SMOC1: variants seen among roughly 807,000 people sequenced by gnomAD.
The protein encoded by SMOC1 is SPARC related modular calcium binding 1.
Under a neutral mutation model 56.3 loss-of-function variants are expected in SMOC1, and 22 were observed. That is an observed-to-expected ratio of 0.39 (90% CI 0.28 to 0.56). The LOEUF is 0.56. Ranked by LOEUF, SMOC1 falls within the 20% of genes least tolerant of loss-of-function variation. The pLI is 0.61. For synonymous variants in SMOC1, 193 were observed against 215.0 expected, an observed-to-expected ratio of 0.90 and a Z score of 0.89; for missense variants, 509 against 565.4, an observed-to-expected ratio of 0.90 and a Z score of 1.01.
chr14:69,940,114 G>A (rs1236006699), intron 1 of SMOC1, among the ~76,000 whole-genome samples: 1 of 152,154 alleles, frequency 6.6e-6, no homozygotes, highest in Non-Finnish European at 1.5e-5. Context: ...AGTCTCTTGC[G>A]AAAACAATTC....
intron 8 of SMOC1, 101 bp downstream of exon 8, chr14:70,011,047 G>A (rs1286570321): frequency 1.5e-6 from 2 of 1,323,136 alleles, no homozygotes; most frequent in African/African-American, 2.9e-5. Context: ...GGAGATGAGT[G>A]CCTGGGAGAG....
At chr14:70,001,537 T>A (rs943781511) in intron 7 of SMOC1, among the ~76,000 whole-genome samples, 1 of 152,292 alleles carries the variant, frequency 6.6e-6, no homozygotes, top group East Asian at 1.9e-4. Context: ...TTAGTTTACC[T>A]ACAGACCTAA....
chr14:69,985,793 A>G (rs1884343812), intron 5 of SMOC1, among the ~76,000 whole-genome samples: 2 of 151,816 alleles, frequency 1.3e-5, no homozygotes, highest in Admixed American at 1.3e-4. Context: ...TGAATACAGT[A>G]CAATCAGATA....
intron 3 of SMOC1, among the ~76,000 whole-genome samples, chr14:69,968,784 C>T (rs1172542277): frequency 6.6e-6 from 1 of 152,230 alleles, no homozygotes; most frequent in Non-Finnish European, 1.5e-5. Flanking sequence ...ATATACATGA[C>T]AGCAGTCCTT....
Position 69,952,188 on chromosome 14 carries a change from T to A in SMOC1, c.150T>A (p.Thr50=). The A allele has an allele frequency of 6.2e-7, 1 of 1,614,140 alleles. No homozygotes were observed. Among genetic ancestry groups the A allele is most frequent in the Non-Finnish European group, 8.5e-7 (1 of 1,180,020 alleles). The change falls in exon 2 of 12, where the codon ACT becomes ACA. Residue 50 remains threonine, a synonymous_variant. Transcript: ENST00000361956. ...DPQCNLHCSR[T]QPKPICASDG... Reference sequence around the variant, plus strand: ...AGTGCAACCTCCACTGCTCCAGGACTCAACCCAAACCCATCTGTGCCTCTG... The same window carrying A: ...AGTGCAACCTCCACTGCTCCAGGACACAACCCAAACCCATCTGTGCCTCTG...
rs371740754 is a variant in SMOC1 at position 70,023,462 on chromosome 14, C to T, written c.1291+15C>T. 333 of 1,613,704 alleles carry T rather than the reference C, an allele frequency of 2.1e-4. No homozygotes were observed. Among genetic ancestry groups the T allele is most frequent in the Non-Finnish European group, 2.5e-4 (293 of 1,180,030 alleles). On this transcript the variant is annotated intron_variant, in intron 11 of 11. Transcript: ENST00000361956. ...TAGCAAAGAAGGTGAGTGCTCTCCC[C>T]TGTGCTCCTGGCCTTTCAATACTTG...
At chr14:69,933,932 A>T (rs892312396) in intron 1 of SMOC1, among the ~76,000 whole-genome samples, 8 of 152,234 alleles carry the variant, frequency 5.3e-5, no homozygotes, top group Non-Finnish European at 1.2e-4. Flanking sequence ...GCAGTTTAAA[A>T]AACTGATTTA....
chr14:69,956,576 A>G (rs542870461), intron 3 of SMOC1, among the ~76,000 whole-genome samples: 3 of 151,964 alleles, frequency 2.0e-5, no homozygotes, highest in African/African-American at 7.2e-5. Context: ...ATTATTACAC[A>G]GTAACCCTCT....
chr14:69,937,383 G>A (rs970947286), intron 1 of SMOC1, among the ~76,000 whole-genome samples: 3 of 152,192 alleles, frequency 2.0e-5, no homozygotes, highest in Admixed American at 6.5e-5. Context: ...TCTTTGCTCT[G>A]CCCTGGAACT....
At chr14:69,991,604 G>C (rs1884572004) in intron 5 of SMOC1, among the ~76,000 whole-genome samples, 1 of 152,178 alleles carries the variant, frequency 6.6e-6, no homozygotes, top group Non-Finnish European at 1.5e-5. Context: ...GGTTCTTGCT[G>C]TGCAGAGAGG....
intron 1 of SMOC1, among the ~76,000 whole-genome samples, chr14:69,909,330 A>T (rs1183091551): frequency 1.3e-5 from 2 of 152,230 alleles, no homozygotes; most frequent in African/African-American, 4.8e-5. Context: ...TGATCTGAAC[A>T]TGTAATACAC....
chr14:69,961,415 C>G (rs556251330), intron 3 of SMOC1, among the ~76,000 whole-genome samples: 69 of 151,032 alleles, frequency 4.6e-4, no homozygotes, highest in Non-Finnish European at 8.4e-4. Context: ...GGGTCTCGCT[C>G]TGTTGCCCAG....
intron 7 of SMOC1, among the ~76,000 whole-genome samples, chr14:70,000,690 C>T (rs1884935862): frequency 6.6e-6 from 1 of 152,200 alleles, no homozygotes; most frequent in Admixed American, 6.5e-5. Context: ...CTTCCCTGCC[C>T]TGTAGGAACT....
intron 7 of SMOC1, among the ~76,000 whole-genome samples, chr14:69,995,940 G>A (rs1336500830): frequency 6.6e-6 from 1 of 152,110 alleles, no homozygotes; most frequent in Admixed American, 6.6e-5. Context: ...TCAAATAGAA[G>A]TGGTTTTGGT....
intron 1 of SMOC1, among the ~76,000 whole-genome samples, chr14:69,893,111 C>G (rs1884008265): frequency 6.6e-6 from 1 of 152,074 alleles, no homozygotes; most frequent in African/African-American, 2.4e-5. Context: ...TTTCTCTATC[C>G]TTTATATTTC....
In SMOC1 at chr14:69,930,985, T is replaced by A. The variant is rs541808766; in HGVS notation, c.100-21153T>A. 4.6e-5 allele frequency among the ~76,000 whole-genome samples: 7 copies of A among 152,348 alleles called. No homozygotes were observed. The East Asian group carries it at 1.4e-3, about 29-fold the overall frequency. ...ATGCTTGCATTTGTGCCAGTGCCTC[T>A]TAACTGTCCATTTTGCATTTATTCT... On this transcript the variant is annotated intron_variant, in intron 1 of 11. Coordinates refer to ENST00000361956, the MANE Select transcript of SMOC1 (RefSeq NM_001034852.3).
chr14:69,904,163 C>G (rs1038737245), intron 1 of SMOC1, among the ~76,000 whole-genome samples: 2 of 152,146 alleles, frequency 1.3e-5, no homozygotes, highest in African/African-American at 4.8e-5. Context: ...TTAATAAATT[C>G]GCTGATAAAT....
chr14:69,953,524 T>C lies in SMOC1; in HGVS notation c.370T>C (p.Phe124Leu). ...FVPECGEDGS[F>L]TQVQCHTYTG... ...CCCAGAGTGTGGCGAGGATGGCTCC[T>C]TTACCCAGGTGAGGCCTCGGACAAT... Residue 124 changes from phenylalanine (F) to leucine (L), a missense_variant, in exon 3 of 12, where the codon TTT becomes CTT. Coordinates refer to ENST00000361956, the MANE Select transcript of SMOC1 (RefSeq NM_001034852.3). The C allele has an allele frequency of 6.2e-7, 1 of 1,613,896 alleles. No homozygotes were observed. Among genetic ancestry groups the C allele is most frequent in the East Asian group, 2.2e-5 (1 of 44,872 alleles).
chr14:70,012,501 G>A (rs1195431286), intron 9 of SMOC1, among the ~76,000 whole-genome samples: 1 of 152,232 alleles, frequency 6.6e-6, no homozygotes, highest in Non-Finnish European at 1.5e-5. Flanking sequence ...CTGTGAGAAT[G>A]GCAGGGAGAA....
Sources: gnomAD v4.1 joint callset for allele counts (sites outside exome capture counted in the v4.1 genomes callset) on GRCh38, gnomAD v4.1.1 for gene constraint, MANE v1.5 for transcripts, NCBI Gene and HGNC (gene_info 2026-07-23, HGNC 2026-07-21) for gene names.